ABLIM2: variants seen among roughly 807,000 people sequenced by gnomAD.
ABLIM2 encodes the protein actin-binding LIM protein 2.
Under a neutral mutation model 97.7 loss-of-function variants are expected in ABLIM2, and 53 were observed. The observed-to-expected ratio is 0.54, with a 90% CI of 0.44 to 0.68. The LOEUF is 0.68. Among genes scored for constraint, ABLIM2 ranks in the 30% least tolerant of loss-of-function variants. The probability of loss-of-function intolerance (pLI) is 0.00; values close to 1 mark genes in which losing one functional copy is unlikely to be tolerated. For missense variants in ABLIM2, 835 were observed against 867.2 expected (o/e 0.96, Z 0.47); for synonymous variants, 361 against 345.8 (o/e 1.04, Z -0.49).
intron 1 of ABLIM2, among the ~76,000 whole-genome samples, chr4:8,117,369 T>A (rs977781270): frequency 6.6e-6 from 1 of 152,032 alleles, no homozygotes; most frequent in Non-Finnish European, 1.5e-5. Context: ...AAGTCACACC[T>A]ACAGACTCCA....
chr4:8,091,839 A>G (rs1216853120), intron 3 of ABLIM2, among the ~76,000 whole-genome samples: 4 of 90,410 alleles, frequency 4.4e-5, no homozygotes, highest in Middle Eastern at 5.1e-3. Flanking sequence ...TAAATAATAT[A>G]ATATATTATT....
chr4:8,045,014 C>T (rs1052047751), intron 9 of ABLIM2, 150 bp downstream of exon 9: 8 of 696,278 alleles, frequency 1.1e-5, no homozygotes, highest in East Asian at 7.9e-5. Context: ...ACCTCCACCC[C>T]GAAGCAGGGA....
chr4:8,003,561 CTTTTT>C lies in ABLIM2; in HGVS notation c.1618+4493_1618+4497del, dbSNP rs796877068. On this transcript the variant is annotated intron_variant, in intron 16 of 20. Transcript: ENST00000447017. The surrounding 1 kb of genome is among the most constrained non-coding windows in gnomAD (Gnocchi z 4.2). ...ACCACTACGCTCTTCTTCCAGTTTT[CTTTTT>C]TTTTTTTTTTTTTTTTGGAGATGGA... Among the ~76,000 whole-genome samples the C allele has an allele frequency of 8.3e-6, 1 of 120,198 alleles. No individual in the cohort carries two copies. The allele number at this position is 120,198 out of a possible 152,430, so 78.9% of individuals were successfully genotyped here. A position where few individuals can be genotyped will look rare whatever the true frequency, so the allele number is the denominator to read the frequency against.
intron 20 of ABLIM2, 53 bp from the exon 21 acceptor site, chr4:7,967,156 C>T: frequency 1.4e-6 from 2 of 1,467,678 alleles, no homozygotes; most frequent in Non-Finnish European, 1.9e-6. Flanking sequence ...CAGCAAGGGA[C>T]ACCATTGGGC....
At chr4:8,135,292 C>CG (rs1449693403) in intron 1 of ABLIM2, among the ~76,000 whole-genome samples, 3 of 152,162 alleles carry the variant, frequency 2.0e-5, no homozygotes, top group African/African-American at 7.2e-5. Context: ...TAGGGGTAAC[C>CG]GGGGCAGCCA....
intron 17 of ABLIM2, among the ~76,000 whole-genome samples, chr4:7,990,150 T>C (rs1426729485): frequency 6.6e-6 from 1 of 152,174 alleles, no homozygotes; most frequent in Non-Finnish European, 1.5e-5. Context: ...ATTGCCTCTA[T>C]GCCTTGGCCA....
chr4:8,020,247 G>T lies in ABLIM2; in HGVS notation c.1324C>A (p.Pro442Thr). Residue 442 changes from proline to threonine, a missense_variant, in exon 13 of 21, where the codon CCC (proline) becomes ACC (threonine). Coordinates refer to ENST00000447017, the MANE Select transcript of ABLIM2 (RefSeq NM_001130083.2). ...GGTGCCTGCTGGTAGGTGGAGGGGG[G>T]CGGCTTGCTGTCAGAGAGCACGGAG... Reference protein sequence around the residue: ...SLSVLSDSKPPPSTYQQAPRH... With the variant: ...SLSVLSDSKPTPSTYQQAPRH... 3 of 1,613,948 alleles carry T rather than the reference G, an allele frequency of 1.9e-6. No homozygotes were observed. Among genetic ancestry groups the T allele is most frequent in the Non-Finnish European group, 1.7e-6 (2 of 1,179,886 alleles).
At chr4:7,980,755 G>A (rs1036163944) in intron 20 of ABLIM2, among the ~76,000 whole-genome samples, 47 of 150,616 alleles carry the variant, frequency 3.1e-4, no homozygotes, top group African/African-American at 1.1e-3. Context: ...TGTCTCTTGT[G>A]GGGGAAATTT....
intron 6 of ABLIM2, among the ~76,000 whole-genome samples, chr4:8,064,942 G>A (rs1481710928): frequency 1.3e-5 from 2 of 152,130 alleles, no homozygotes; most frequent in Non-Finnish European, 2.9e-5. Flanking sequence ...ACTGAAAAAC[G>A]ATTAGAAGAA....
Position 8,091,546 on chromosome 4 carries a change from TA to T in ABLIM2, c.339-3263del, listed in dbSNP as rs1244572219. The stretch of plus-strand genomic sequence containing the variant: ...ATATTATATATAAAATTATATATAA[TA>T]TTTATAATTATATATATTATATATA... On this transcript the variant is annotated intron_variant, in intron 3 of 20. Transcript: ENST00000447017. 3.1e-4 allele frequency among the ~76,000 whole-genome samples: 5 copies of T among 16,220 alleles called. 2 individuals are homozygous for T. In the Admixed American group the frequency reaches 6.0e-3, roughly 19 times the overall value. The allele number at this position is 16,220 out of a possible 152,430, so 10.6% of individuals were successfully genotyped here. A position where few individuals can be genotyped will look rare whatever the true frequency, so the allele number is the denominator to read the frequency against.
At chr4:8,008,720 C>T (rs919249950) in intron 15 of ABLIM2, among the ~76,000 whole-genome samples, 9 of 152,238 alleles carry the variant, frequency 5.9e-5, no homozygotes, top group African/African-American at 2.2e-4. Context: ...CTCTCTGGCC[C>T]TTTATGAAGA....
At position 8,069,467 on chromosome 4, in the gene ABLIM2, C is replaced by A. The variant is rs982644327; in HGVS notation, c.675+8161G>T. On this transcript the variant is annotated intron_variant, in intron 6 of 20. Transcript: ENST00000447017. The surrounding 1 kb of genome is among the most constrained non-coding windows in gnomAD (Gnocchi z 4.2). ...CCAGGGGACGCAAGGGAGGACACGACAGGCCAGCGTGGAAGGGTAGGACCA... is the reference window on the plus strand; with the variant it reads ...CCAGGGGACGCAAGGGAGGACACGAAAGGCCAGCGTGGAAGGGTAGGACCA... Among the ~76,000 whole-genome samples the A allele has an allele frequency of 6.6e-6, 1 of 152,240 alleles. No homozygotes were observed. The highest frequency in any genetic ancestry group is 6.5e-5 in the Admixed American group (1 of 15,280).
intron 8 of ABLIM2, among the ~76,000 whole-genome samples, chr4:8,052,352 G>A (rs901380482): frequency 5.3e-5 from 8 of 152,206 alleles, no homozygotes; most frequent in Admixed American, 5.2e-4. Context: ...GCTGAGGGAA[G>A]GGCTGCTGCC....
intron 1 of ABLIM2, among the ~76,000 whole-genome samples, chr4:8,144,829 T>C (rs1851532534): frequency 6.6e-6 from 1 of 152,214 alleles, no homozygotes; most frequent in African/African-American, 2.4e-5. Context: ...AAGCGTGAGC[T>C]CTTTGGAAAG....
In ABLIM2 at chr4:8,003,219, C is replaced by A. The variant is rs991873610; in HGVS notation, c.1618+4840G>T. 6.6e-6 allele frequency among the ~76,000 whole-genome samples: 1 copy of A among 152,244 alleles called. No homozygotes were observed. Among genetic ancestry groups the A allele is most frequent in the Non-Finnish European group, 1.5e-5 (1 of 68,048 alleles). On this transcript the variant is annotated intron_variant, in intron 16 of 20. Coordinates refer to ENST00000447017, the MANE Select transcript of ABLIM2 (RefSeq NM_001130083.2). The surrounding 1 kb of genome is among the most constrained non-coding windows in gnomAD (Gnocchi z 4.2). ...CAAAAATGCATTGAATGCACCTAAC[C>A]TAGCAAACACCATGGCTTAGCCCAG...
At chr4:8,129,520 G>C (rs572857632) in intron 1 of ABLIM2, among the ~76,000 whole-genome samples, 1 of 152,204 alleles carries the variant, frequency 6.6e-6, no homozygotes, top group Non-Finnish European at 1.5e-5. Flanking sequence ...ACTAAGACAC[G>C]CTGTAAGACA....
At chr4:8,096,657 T>C (rs992054214) in intron 3 of ABLIM2, among the ~76,000 whole-genome samples, 1 of 152,242 alleles carries the variant, frequency 6.6e-6, no homozygotes, top group African/African-American at 2.4e-5. Flanking sequence ...GTTTTTCATG[T>C]TTCTCTTCTT....
intron 8 of ABLIM2, among the ~76,000 whole-genome samples, chr4:8,052,188 T>G (rs58061467): frequency 6.6e-6 from 1 of 152,150 alleles, no homozygotes; most frequent in African/African-American, 2.4e-5. Flanking sequence ...AGGGTGGTGT[T>G]CCCATGCACA....
chr4:8,025,400 G>T (rs745774367), intron 12 of ABLIM2, among the ~76,000 whole-genome samples: 11 of 152,152 alleles, frequency 7.2e-5, no homozygotes, highest in Non-Finnish European at 1.5e-4. Flanking sequence ...GACGGCTTCG[G>T]AGCCACATTG....
Sources: gnomAD v4.1 joint callset for allele counts (sites outside exome capture counted in the v4.1 genomes callset) on GRCh38, gnomAD v4.1.1 for gene constraint, Gnocchi (gnomAD v3.1) non-coding constraint, MANE v1.5 for transcripts, NCBI Gene and HGNC (gene_info 2026-07-23, HGNC 2026-07-21) for gene names.